CHST12: variants seen among roughly 807,000 people sequenced by gnomAD.
CHST12 encodes the protein carbohydrate sulfotransferase 12, also known as carbohydrate (chondroitin 4) sulfotransferase 12.
Under a neutral mutation model 27.9 loss-of-function variants are expected in CHST12, and 23 were observed. The ratio of observed to expected loss-of-function variants is 0.82; its 90% CI spans 0.59 to 1.17. The LOEUF (loss-of-function observed/expected upper bound fraction) is 1.17. Among genes scored for constraint, CHST12 ranks in the 50% most tolerant of loss-of-function variants. The probability of loss-of-function intolerance (pLI) is 0.00; values close to 1 mark genes in which losing one functional copy is unlikely to be tolerated. For synonymous variants in CHST12, 322 were observed against 273.0 expected (o/e 1.18, Z -1.77); for missense variants, 682 against 603.0 (o/e 1.13, Z -1.37).
chr7:2,414,207 C>T (rs746030673), intron 1 of CHST12, among the ~76,000 whole-genome samples: 1 of 152,050 alleles, frequency 6.6e-6, no homozygotes, highest in Non-Finnish European at 1.5e-5. Flanking sequence ...GATATAGGCA[C>T]TTTGTTAGAT....
chr7:2,442,057 C>A lies in CHST12; in HGVS notation c.*8173C>A, dbSNP rs543129814. 6.6e-6 allele frequency: 1 copy of A among 151,938 alleles called. No individual in the cohort carries two copies. The highest frequency in any genetic ancestry group is 1.5e-5 in the Non-Finnish European group (1 of 67,976). The allele number at this position is 151,938 out of a possible 1,614,324, so 9.4% of individuals were successfully genotyped here. On this transcript the variant is annotated 3_prime_UTR_variant, in exon 2 of 2. Coordinates refer to ENST00000618655, the MANE Select transcript of CHST12 (RefSeq NM_018641.5). ...TAGCTCCCCATTCCCCACTGTGCCG[C>A]CCCCCCAAAGCCCCTGGCACCAACC...
chr7:2,439,685 C>T lies in CHST12; in HGVS notation c.*5801C>T, dbSNP rs1449136053. On this transcript the variant is annotated 3_prime_UTR_variant, in exon 2 of 2. Coordinates refer to ENST00000618655, the MANE Select transcript of CHST12 (RefSeq NM_018641.5). Reference sequence around the variant, plus strand: ...ACGAGGTCAGGAGATCAAGACCATCCTGGATAACATGGTGAAACCCCGTCT... The same window carrying T: ...ACGAGGTCAGGAGATCAAGACCATCTTGGATAACATGGTGAAACCCCGTCT... 1 of 151,932 alleles carries T rather than the reference C, an allele frequency of 6.6e-6. No individual in the cohort carries two copies. The highest frequency in any genetic ancestry group is 1.5e-5 in the Non-Finnish European group (1 of 68,016). 9.4% of individuals were successfully genotyped at this position (151,932 alleles called of 1,614,324 possible).
At chr7:2,409,417 C>T (rs1251075769) in intron 1 of CHST12, among the ~76,000 whole-genome samples, 1 of 152,112 alleles carries the variant, frequency 6.6e-6, no homozygotes, top group Non-Finnish European at 1.5e-5. Flanking sequence ...GAGTTCAAGA[C>T]CAGCCTGGGC....
rs1782423348 is a variant in CHST12 at position 2,434,579 on chromosome 7, T to TGAAAAAA, written c.*695_*696insGAAAAAA. 5.7e-4 allele frequency: 12 copies of TGAAAAAA among 20,962 alleles called. 1 individual carries two copies. Among genetic ancestry groups the TGAAAAAA allele is most frequent in the Non-Finnish European group, 9.2e-4 (11 of 11,976 alleles). 1.3% of individuals were successfully genotyped at this position (20,962 alleles called of 1,614,324 possible). On this transcript the variant is annotated 3_prime_UTR_variant, in exon 2 of 2. Coordinates refer to ENST00000618655, the MANE Select transcript of CHST12 (RefSeq NM_018641.5). ...CAACATGGTGAAACCCTGTCTCTACTAAAAAAAAAAAAAAAAAAAAAAAAA... is the reference window on the plus strand; with the variant it reads ...CAACATGGTGAAACCCTGTCTCTACTGAAAAAAAAAAAAAAAAAAAAAAAAAAAAAAA...
chr7:2,427,325 C>T (rs1380110498), intron 1 of CHST12, among the ~76,000 whole-genome samples: 2 of 151,998 alleles, frequency 1.3e-5, no homozygotes, highest in East Asian at 1.9e-4. Flanking sequence ...ATGGTGAGAC[C>T]ACAACTCTAT....
rs1782614612 is a variant in CHST12, at chr7:2,441,889, A to G, written c.*8005A>G. ...TTAAAAGTTGTGGTAAGATACATGC[A>G]ACATAAAATGTGCCCTCTTCCCCAT... On this transcript the variant is annotated 3_prime_UTR_variant, in exon 2 of 2. Coordinates refer to ENST00000618655, the MANE Select transcript of CHST12 (RefSeq NM_018641.5). The G allele has an allele frequency of 6.6e-6, 1 of 152,138 alleles. No individual in the cohort carries two copies. Among genetic ancestry groups the G allele is most frequent in the Non-Finnish European group, 1.5e-5 (1 of 68,034 alleles). The allele number at this position is 152,138 out of a possible 1,614,324, so 9.4% of individuals were successfully genotyped here.
Position 2,436,389 on chromosome 7 carries a change from G to A in CHST12, c.*2505G>A, listed in dbSNP as rs1782475066. ...CAGTATTGGTCCTTTTGGGACTGAAGTACTTCACCTCATGCAATGTCCTCT... is the reference window on the plus strand; with the variant it reads ...CAGTATTGGTCCTTTTGGGACTGAAATACTTCACCTCATGCAATGTCCTCT... On this transcript the variant is annotated 3_prime_UTR_variant, in exon 2 of 2. Coordinates refer to ENST00000618655, the MANE Select transcript of CHST12 (RefSeq NM_018641.5). 1 of 152,246 alleles carries A rather than the reference G, an allele frequency of 6.6e-6. No individual in the cohort carries two copies. Among genetic ancestry groups the A allele is most frequent in the African/African-American group, 2.4e-5 (1 of 41,448 alleles). The allele number at this position is 152,246 out of a possible 1,614,324, so 9.4% of individuals were successfully genotyped here.
rs1428513943 is a variant in CHST12 at position 2,448,295 on chromosome 7, G to C, written c.*14411G>C. The C allele has an allele frequency of 3.9e-5, 6 of 152,146 alleles. No homozygotes were observed. Among genetic ancestry groups the C allele is most frequent in the Admixed American group, 3.9e-4 (6 of 15,244 alleles). 9.4% of individuals were successfully genotyped at this position (152,146 alleles called of 1,614,324 possible). ...CCTCCCCTTGCACCCCTTGAATGGC[G>C]GGCTCCCTCTCCCATAGCCCCTGCC... On this transcript the variant is annotated 3_prime_UTR_variant, in exon 2 of 2. Coordinates refer to ENST00000618655, the MANE Select transcript of CHST12 (RefSeq NM_018641.5).
intron 1 of CHST12, among the ~76,000 whole-genome samples, chr7:2,426,711 T>G (rs2906180): frequency 0.85 from 128,574 of 151,856 alleles, 54,733 homozygotes; most frequent in East Asian, 0.94. Context: ...AGACATACAG[T>G]CCGGGTGTGG....
At chr7:2,405,166 C>T (rs550575776) in intron 1 of CHST12, among the ~76,000 whole-genome samples, 1 of 152,160 alleles carries the variant, frequency 6.6e-6, no homozygotes, top group South Asian at 2.1e-4. Flanking sequence ...ACTGGAAGGC[C>T]GGGCGAGGTG....
At chr7:2,405,622 G>C (rs775942979) in intron 1 of CHST12, among the ~76,000 whole-genome samples, 1 of 152,156 alleles carries the variant, frequency 6.6e-6, no homozygotes, top group Non-Finnish European at 1.5e-5. Context: ...GAGTAGCCTT[G>C]TGGGGCGTGG....
intron 1 of CHST12, among the ~76,000 whole-genome samples, chr7:2,421,736 C>T (rs1781981923): frequency 6.6e-6 from 1 of 151,856 alleles, no homozygotes; most frequent in Admixed American, 6.6e-5. Flanking sequence ...TGCGCCCAGC[C>T]TTTTTAAACA....
At chr7:2,428,052 C>G (rs900250101) in intron 1 of CHST12, among the ~76,000 whole-genome samples, 2 of 152,022 alleles carry the variant, frequency 1.3e-5, no homozygotes, top group Non-Finnish European at 2.9e-5. Flanking sequence ...ATCCACCCAC[C>G]TCGGCCTCCC....
In CHST12 at chr7:2,433,619, G is replaced by A. The variant is rs763017221; in HGVS notation, c.980G>A (p.Arg327His). Residue 327 changes from arginine to histidine, a missense_variant, in exon 2 of 2, where the codon CGC becomes CAC. By Grantham distance (29) the Arg-to-His change is conservative. Coordinates refer to ENST00000618655, the MANE Select transcript of CHST12 (RefSeq NM_018641.5). This position sits in a 1 kb window ranked among gnomAD's most constrained non-coding sequence, Gnocchi z 6.1. ...AACGAGCACTGGCGGCAGGTGTACC[G>A]CCTCTGCCACCCGTGCCAGATCGAC... The part of the protein sequence containing the change: ...PFNEHWRQVY[R>H]LCHPCQIDYD... 10 of 1,613,620 alleles carry A rather than the reference G, an allele frequency of 6.2e-6. No homozygotes were observed. In the South Asian group the frequency reaches 8.8e-5, roughly 14 times the overall value.
At chr7:2,430,740 C>T (rs889489242) in intron 1 of CHST12, among the ~76,000 whole-genome samples, 1 of 152,214 alleles carries the variant, frequency 6.6e-6, no homozygotes, top group African/African-American at 2.4e-5. Flanking sequence ...GCATGAGCCA[C>T]CACACCCAGC....
chr7:2,415,021 A>T (rs1169151378), intron 1 of CHST12, among the ~76,000 whole-genome samples: 1 of 152,206 alleles, frequency 6.6e-6, no homozygotes, highest in Non-Finnish European at 1.5e-5. Flanking sequence ...AATCAAGTGA[A>T]TATCGCAATA....
chr7:2,424,073 G>T (rs1430990042), intron 1 of CHST12, among the ~76,000 whole-genome samples: 2 of 151,920 alleles, frequency 1.3e-5, no homozygotes, highest in Admixed American at 6.6e-5. Context: ...ATTAATTAAG[G>T]CTGGGCACAA....
intron 1 of CHST12, among the ~76,000 whole-genome samples, chr7:2,413,819 C>T (rs1312108425): frequency 1.3e-5 from 2 of 149,530 alleles, no homozygotes; most frequent in African/African-American, 2.5e-5. Context: ...ACCTCTGCCT[C>T]CTGGGTTCAA....
At chr7:2,403,551 G>A (rs1195464831), upstream of CHST12, 1 of 151,460 alleles carries the variant, frequency 6.6e-6, no homozygotes, top group Non-Finnish European at 1.5e-5. Context: ...AAGACGACCG[G>A]TAGGAGGGGC....
Sources: allele counts gnomAD v4.1 joint callset (sites outside exome capture counted in the v4.1 genomes callset), GRCh38; gene constraint gnomAD v4.1.1; non-coding constraint Gnocchi (gnomAD v3.1); transcripts MANE v1.5; gene names NCBI Gene and HGNC (gene_info 2026-07-23, HGNC 2026-07-21).